CNTNAP2: variants seen among roughly 807,000 people sequenced by gnomAD.
The protein encoded by CNTNAP2 is contactin associated protein 2.
A neutral mutation model predicts 155.2 loss-of-function variants in CNTNAP2; 98 were observed. The observed-to-expected ratio is 0.63, with a 90% CI of 0.54 to 0.75. The LOEUF is 0.75. Ranked by LOEUF, CNTNAP2 falls within the 30% of genes least tolerant of loss-of-function variation. The pLI is 0.00. For missense variants in CNTNAP2, 1,727 were observed against 1,688.1 expected (o/e 1.02, Z -0.40); for synonymous variants, 651 against 631.2 (o/e 1.03, Z -0.47).
chr7:147,003,555 T>A (rs1255659779), intron 3 of CNTNAP2, among the ~76,000 whole-genome samples: 5 of 151,938 alleles, frequency 3.3e-5, no homozygotes, highest in Non-Finnish European at 7.4e-5. Context: ...AAATCTCAAC[T>A]AAAATCAGTC....
intron 8 of CNTNAP2, among the ~76,000 whole-genome samples, chr7:147,182,864 T>C (rs1584777318): frequency 6.6e-6 from 1 of 152,272 alleles, no homozygotes; most frequent in Admixed American, 6.5e-5. Flanking sequence ...AAGATGAAAA[T>C]AATTTAATCA....
chr7:147,267,308 A>C (rs1399278177), intron 8 of CNTNAP2, among the ~76,000 whole-genome samples: 4 of 152,192 alleles, frequency 2.6e-5, no homozygotes, highest in Non-Finnish European at 4.4e-5. Context: ...AAAGCATGGA[A>C]ATTCAAAAGA....
intron 15 of CNTNAP2, among the ~76,000 whole-genome samples, chr7:148,018,546 G>A (rs1250638087): frequency 1.3e-5 from 2 of 152,232 alleles, no homozygotes; most frequent in African/African-American, 4.8e-5. Flanking sequence ...TGGAAAAGGA[G>A]AAGGCATGAA....
At chr7:147,396,628 C>T (rs1446507811) in intron 10 of CNTNAP2, among the ~76,000 whole-genome samples, 1 of 152,018 alleles carries the variant, frequency 6.6e-6, no homozygotes, top group African/African-American at 2.4e-5. Flanking sequence ...GATTATACTG[C>T]ATACACTACC....
chr7:147,121,623 C>T (rs1053389185), intron 6 of CNTNAP2: 3 of 155,470 alleles, frequency 1.9e-5, no homozygotes, highest in African/African-American at 7.2e-5. Context: ...TTTTGACAAG[C>T]TCTGTTTTCT....
intron 21 of CNTNAP2, among the ~76,000 whole-genome samples, chr7:148,369,662 A>C (rs1798852263): frequency 6.8e-6 from 1 of 148,142 alleles, no homozygotes; most frequent in African/African-American, 2.5e-5. Context: ...TATTATTATT[A>C]TTATTATTAT....
intron 14 of CNTNAP2, among the ~76,000 whole-genome samples, chr7:147,970,924 G>T (rs1801321466): frequency 6.6e-6 from 1 of 152,194 alleles, no homozygotes. Context: ...GACATTCTGT[G>T]CCATTTAAAT....
At chr7:146,286,090 G>T (rs1020492879) in intron 1 of CNTNAP2, among the ~76,000 whole-genome samples, 1 of 138,668 alleles carries the variant, frequency 7.2e-6, no homozygotes, top group Non-Finnish European at 1.5e-5. Context: ...TTATAGGGGG[G>T]ACTCTCTGGT....
chr7:147,798,113 C>T (rs1028686151), intron 13 of CNTNAP2, among the ~76,000 whole-genome samples: 1 of 151,984 alleles, frequency 6.6e-6, no homozygotes, highest in Admixed American at 6.6e-5. Context: ...AAATATTAAC[C>T]ATACTTCTGC....
chr7:146,716,080 A>C (rs754616915), intron 1 of CNTNAP2, among the ~76,000 whole-genome samples: 3 of 152,110 alleles, frequency 2.0e-5, no homozygotes, highest in Non-Finnish European at 4.4e-5. Flanking sequence ...AGATGGAAAG[A>C]ACATGGGTTT....
chr7:147,379,754 G>A (rs534470530), intron 9 of CNTNAP2, among the ~76,000 whole-genome samples: 2 of 152,032 alleles, frequency 1.3e-5, no homozygotes, highest in Middle Eastern at 3.4e-3. Context: ...TTTATGTGGT[G>A]GGGCTAGGGG....
chr7:146,927,228 C>T (rs2129221599), intron 3 of CNTNAP2, among the ~76,000 whole-genome samples: 1 of 152,206 alleles, frequency 6.6e-6, no homozygotes, highest in East Asian at 1.9e-4. Flanking sequence ...GAGTTATAAC[C>T]TTGAAACTGG....
intron 8 of CNTNAP2, among the ~76,000 whole-genome samples, chr7:147,163,888 G>A (rs1802073606): frequency 6.6e-6 from 1 of 152,048 alleles, no homozygotes; most frequent in Non-Finnish European, 1.5e-5. Flanking sequence ...ACATTCACTT[G>A]TATAAGATTG....
At chr7:148,002,891 A>G in intron 15 of CNTNAP2, among the ~76,000 whole-genome samples, 1 of 152,312 alleles carries the variant, frequency 6.6e-6, no homozygotes, top group Non-Finnish European at 1.5e-5. Flanking sequence ...AGGAATGGCT[A>G]CTGTGTAAGT....
intron 3 of CNTNAP2, among the ~76,000 whole-genome samples, chr7:147,033,191 T>TAC (rs1288712046): frequency 4.4e-5 from 4 of 91,394 alleles, no homozygotes; most frequent in Admixed American, 1.0e-4. Flanking sequence ...TATATATATA[T>TAC]ATATATATAT....
rs115337328 is a variant in CNTNAP2, at chr7:148,026,191, G to C, written c.2383+48202G>C. ...TAGCCAGGTGTGGCGGCTCACACCT[G>C]TAATCCCAGCACTTTGGGAGGCCGA... On this transcript the variant is annotated intron_variant, in intron 15 of 23. Coordinates refer to ENST00000361727, the MANE Select transcript of CNTNAP2 (RefSeq NM_014141.6). Among the ~76,000 whole-genome samples, 417 of 152,268 alleles carry C rather than the reference G, an allele frequency of 2.7e-3. 4 individuals carry two copies. The highest frequency in any genetic ancestry group is 9.6e-3 in the African/African-American group (398 of 41,552).
chr7:148,058,197 G>C (rs1010624415), intron 15 of CNTNAP2, among the ~76,000 whole-genome samples: 6 of 152,224 alleles, frequency 3.9e-5, no homozygotes, highest in East Asian at 3.9e-4. Flanking sequence ...GTGCAGGTCA[G>C]GTGAAGCTAG....
chr7:146,625,735 C>T (rs1799408852), intron 1 of CNTNAP2, among the ~76,000 whole-genome samples: 1 of 151,884 alleles, frequency 6.6e-6, no homozygotes, highest in South Asian at 2.1e-4. Flanking sequence ...TTCAAAAGAC[C>T]ATGTTTTTTT....
intron 1 of CNTNAP2, among the ~76,000 whole-genome samples, chr7:146,331,737 C>T (rs1371519374): frequency 1.3e-5 from 2 of 152,134 alleles, no homozygotes; most frequent in Non-Finnish European, 2.9e-5. Flanking sequence ...AAGCATGTTT[C>T]ATAAATAGAA....
Sources: allele counts gnomAD v4.1 joint callset (sites outside exome capture counted in the v4.1 genomes callset), GRCh38; gene constraint gnomAD v4.1.1; transcripts MANE v1.5; gene names NCBI Gene and HGNC (gene_info 2026-07-23, HGNC 2026-07-21).